The following MCTP1 variants were observed in gnomAD, a reference collection of about 807,000 sequenced individuals.
The protein encoded by MCTP1 is multiple C2 and transmembrane domain containing 1.
MCTP1 carries 69 observed loss-of-function variants against 120.6 expected under a neutral mutation model. That is an observed-to-expected ratio of 0.57 (90% CI 0.47 to 0.70). The LOEUF (loss-of-function observed/expected upper bound fraction) is 0.70. MCTP1 is among the 30% of genes least tolerant of loss of function. MCTP1 has a pLI of 0.00. For synonymous variants in MCTP1, 529 were observed against 493.1 expected (o/e 1.07, Z -0.96); for missense variants, 1,203 against 1,248.8 (o/e 0.96, Z 0.55).
At chr5:94,740,900 A>C (rs947893518) in intron 19 of MCTP1, among the ~76,000 whole-genome samples, 3 of 152,234 alleles carry the variant, frequency 2.0e-5, no homozygotes, top group African/African-American at 4.8e-5. Flanking sequence ...TAATCAAAGA[A>C]GACTTCCTGG....
rs569622434 is a variant in MCTP1, at chr5:94,788,143, A to G, written c.2557-8980T>C. The stretch of plus-strand genomic sequence containing the variant: ...AGGTAAACTGACTTTCTCTTGTTTA[A>G]GCAACGCTACCAGAACATTCAGTTA... On this transcript the variant is annotated intron_variant, in intron 18 of 22. Coordinates refer to ENST00000515393, the MANE Select transcript of MCTP1 (RefSeq NM_024717.7). Among the ~76,000 whole-genome samples the G allele has an allele frequency of 4.6e-5, 7 of 152,374 alleles. No individual in the cohort carries two copies. In the South Asian group the frequency reaches 1.4e-3, roughly 32 times the overall value.
intron 3 of MCTP1, 72 bp from the exon 4 acceptor site, chr5:94,942,499 C>A: frequency 9.1e-7 from 1 of 1,102,700 alleles, no homozygotes; most frequent in East Asian, 2.5e-5. Flanking sequence ...ATGTCTTGGT[C>A]ATAAAATGTT....
At chr5:94,990,718 A>T (rs1246510506) in intron 2 of MCTP1, among the ~76,000 whole-genome samples, 8 of 152,342 alleles carry the variant, frequency 5.3e-5, no homozygotes, top group African/African-American at 1.4e-4. Context: ...AGGGAATTAT[A>T]CAAAGACATG....
chr5:95,052,311 G>C (rs1746180744), intron 1 of MCTP1, among the ~76,000 whole-genome samples: 1 of 152,098 alleles, frequency 6.6e-6, no homozygotes, highest in East Asian at 1.9e-4. Flanking sequence ...GCAATGTCCT[G>C]GGATCCACTT....
chr5:95,057,362 G>A (rs1747681246), intron 1 of MCTP1, among the ~76,000 whole-genome samples: 1 of 152,258 alleles, frequency 6.6e-6, no homozygotes, highest in African/African-American at 2.4e-5. Context: ...GTGTAATGCA[G>A]TGGGAAAATG....
chr5:94,861,767 ATTCAT>A (rs1162686664), intron 17 of MCTP1, among the ~76,000 whole-genome samples: 1 of 151,832 alleles, frequency 6.6e-6, no homozygotes, highest in African/African-American at 2.4e-5. Flanking sequence ...GACATCTCTG[ATTCAT>A]TATTTAATAA....
intron 3 of MCTP1, among the ~76,000 whole-genome samples, chr5:94,950,193 A>T (rs1399759151): frequency 6.6e-6 from 1 of 152,174 alleles, no homozygotes; most frequent in Non-Finnish European, 1.5e-5. Flanking sequence ...TATGTGTACT[A>T]GTATCTCAGA....
rs184004014 is a variant in MCTP1, at chr5:95,259,358, T to C, written c.720+24498A>G. Among the ~76,000 whole-genome samples, 3 of 152,246 alleles carry C rather than the reference T, an allele frequency of 2.0e-5. No individual in the cohort carries two copies. In the East Asian group the frequency reaches 5.8e-4, roughly 29 times the overall value. On this transcript the variant is annotated intron_variant, in intron 1 of 22. Coordinates refer to ENST00000515393, the MANE Select transcript of MCTP1 (RefSeq NM_024717.7). ...CCACCCTTGCCTTGTGTCAAAAGCTTTGGTATCCTGCCCAATATGCCTGGA... is the reference window on the plus strand; with the variant it reads ...CCACCCTTGCCTTGTGTCAAAAGCTCTGGTATCCTGCCCAATATGCCTGGA...
intron 9 of MCTP1, among the ~76,000 whole-genome samples, chr5:94,910,279 T>C (rs79198718): frequency 2.1e-3 from 283 of 136,792 alleles, no homozygotes; most frequent in African/African-American, 7.2e-3. Context: ...GTGTTGCATA[T>C]ACAAGAAAGA....
At chr5:94,721,898 AAT>A (rs1761007599) in intron 19 of MCTP1, among the ~76,000 whole-genome samples, 1 of 151,124 alleles carries the variant, frequency 6.6e-6, no homozygotes, top group African/African-American at 2.4e-5. Context: ...AAAAAAAAAA[AAT>A]ATCCACAACA....
rs996533801 is a variant in MCTP1, at chr5:94,734,681, T to C, written c.2611-19795A>G. On this transcript the variant is annotated intron_variant, in intron 19 of 22. Coordinates refer to ENST00000515393, the MANE Select transcript of MCTP1 (RefSeq NM_024717.7). ...TATTTTGTCCAGGTAGGTCTTAGAC[T>C]CCCGGCCTAAAGCAATCCTCCCACC... Among the ~76,000 whole-genome samples the C allele has an allele frequency of 2.0e-5, 3 of 152,306 alleles. No individual in the cohort carries two copies. The South Asian group carries it at 6.2e-4, about 32-fold the overall frequency.
At chr5:94,714,172 A>C (rs1758201553) in intron 20 of MCTP1, among the ~76,000 whole-genome samples, 1 of 152,198 alleles carries the variant, frequency 6.6e-6, no homozygotes, top group Admixed American at 6.5e-5. Context: ...AGCTCAGTGA[A>C]GCTATATTTA....
intron 1 of MCTP1, among the ~76,000 whole-genome samples, chr5:95,143,653 G>A (rs182897836): frequency 1.3e-5 from 2 of 152,020 alleles, no homozygotes; most frequent in African/African-American, 2.4e-5. Context: ...GAGTACATGC[G>A]GCATTTGGTT....
intron 1 of MCTP1, among the ~76,000 whole-genome samples, chr5:95,117,572 A>G (rs183861905): frequency 7.8e-4 from 119 of 152,294 alleles, no homozygotes; most frequent in African/African-American, 2.8e-3. Flanking sequence ...GTGGGAATGT[A>G]AATTAGTTCA....
rs375103984 is a variant in MCTP1, at chr5:95,175,272, A to G, written c.720+108584T>C. On this transcript the variant is annotated intron_variant, in intron 1 of 22. Coordinates refer to ENST00000515393, the MANE Select transcript of MCTP1 (RefSeq NM_024717.7). ...CCTTTCTGAGCTGACACGCTTCATT[A>G]TTGTCAGATGAGTTTTCAATTGAGA... 3.3e-5 allele frequency among the ~76,000 whole-genome samples: 5 copies of G among 152,284 alleles called. No homozygotes were observed. The East Asian group carries it at 7.7e-4, about 24-fold the overall frequency.
intron 17 of MCTP1, among the ~76,000 whole-genome samples, chr5:94,813,854 AAAATT>A (rs1783935532): frequency 6.6e-6 from 1 of 151,804 alleles, no homozygotes; most frequent in Non-Finnish European, 1.5e-5. Flanking sequence ...CCTGTCTCAA[AAAATT>A]AAAATAAAAG....
At chr5:95,032,336 G>T (rs11951419) in intron 1 of MCTP1, among the ~76,000 whole-genome samples, 1 of 152,018 alleles carries the variant, frequency 6.6e-6, no homozygotes, top group African/African-American at 2.4e-5. Context: ...CACATGCTTC[G>T]TCATAAAGCA....
chr5:95,152,101 T>C (rs953996807), intron 1 of MCTP1, among the ~76,000 whole-genome samples: 4 of 152,166 alleles, frequency 2.6e-5, no homozygotes, highest in Non-Finnish European at 5.9e-5. Context: ...CTAAAGTCAT[T>C]TAATACAGTC....
At chr5:95,278,087 G>GA (rs557380256) in intron 1 of MCTP1, among the ~76,000 whole-genome samples, 467 of 125,956 alleles carry the variant, frequency 3.7e-3, no homozygotes, top group African/African-American at 3.6e-3. Context: ...TATTCTGCCA[G>GA]AAAAAAAAAA....
Sources: gnomAD v4.1 joint callset for allele counts (sites outside exome capture counted in the v4.1 genomes callset) on GRCh38, gnomAD v4.1.1 for gene constraint, MANE v1.5 for transcripts, NCBI Gene and HGNC (gene_info 2026-07-23, HGNC 2026-07-21) for gene names.